Variants in ADAM20 observed in about 807,000 individuals in gnomAD.
The protein encoded by ADAM20 is disintegrin and metalloproteinase domain-containing protein 20.
For missense variants in ADAM20, 871 were observed against 883.2 expected (o/e 0.99, Z 0.18); for synonymous variants, 305 against 310.2 (o/e 0.98, Z 0.18).
At chr14:70,570,958 C>A in the ADAM20 span, among the ~76,000 whole-genome samples, 4 of 152,082 alleles carry the variant, frequency 2.6e-5, no homozygotes, top group Admixed American at 2.0e-4. Flanking sequence ...ATTCAATATA[C>A]ACAAATCAAT....
At position 70,523,911 on chromosome 14, in the gene ADAM20, T is replaced by A; in HGVS notation, c.847A>T (p.Lys283Ter). The part of the protein sequence containing the change: ...DNVLEDFSIW[K>*]NYNLNNRLQH... Reference sequence around the variant, plus strand: ...AGTCGATTATTAAGGTTATAATTCTTCCAAATAGAAAAGTCCTCTAAAACA... The same window carrying A: ...AGTCGATTATTAAGGTTATAATTCTACCAAATAGAAAAGTCCTCTAAAACA... The change falls in exon 2 of 2, where the codon AAG becomes TAG. Residue 283 changes from lysine (K) to a stop codon, truncating the protein, a stop_gained. Transcript: ENST00000256389. LOFTEE classifies it low-confidence loss of function (END_TRUNC). 1 of 1,614,002 alleles carries A rather than the reference T, an allele frequency of 6.2e-7. No homozygotes were observed. Among genetic ancestry groups the A allele is most frequent in the Non-Finnish European group, 8.5e-7 (1 of 1,179,950 alleles).
At chr14:70,544,920 T>C in the ADAM20 span, among the ~76,000 whole-genome samples, 1 of 152,150 alleles carries the variant, frequency 6.6e-6, no homozygotes. Flanking sequence ...AAAGTAATAA[T>C]AAAATTTATG....
chr14:70,542,962 T>G, the ADAM20 span, among the ~76,000 whole-genome samples: 1 of 151,246 alleles, frequency 6.6e-6, no homozygotes, highest in Non-Finnish European at 1.5e-5. Flanking sequence ...GAGGCCTATG[T>G]AACAAATAAT....
At chr14:70,537,654 C>A (rs1359427614), upstream of ADAM20, among the ~76,000 whole-genome samples, 2 of 152,172 alleles carry the variant, frequency 1.3e-5, no homozygotes, top group South Asian at 2.1e-4. Context: ...AAAACAGACA[C>A]CCTCGGCTTC....
chr14:70,533,446 T>G (rs1021221473), intron 1 of ADAM20, among the ~76,000 whole-genome samples: 32 of 152,314 alleles, frequency 2.1e-4, no homozygotes, highest in African/African-American at 7.2e-4. Flanking sequence ...TTATGTGCTT[T>G]GCAGGGACAT....
the ADAM20 span, among the ~76,000 whole-genome samples, chr14:70,557,822 T>C: frequency 1.3e-5 from 2 of 152,116 alleles, no homozygotes; most frequent in Non-Finnish European, 2.9e-5. Context: ...CCCAAGATAA[T>C]TTTTCTTCTA....
the ADAM20 span, among the ~76,000 whole-genome samples, chr14:70,578,124 AAACT>A: frequency 2.0e-5 from 3 of 152,296 alleles, no homozygotes; most frequent in South Asian, 6.2e-4. Flanking sequence ...GTGAATCATA[AAACT>A]AATACTGAAT....
chr14:70,569,017 G>A, the ADAM20 span, among the ~76,000 whole-genome samples: 1 of 151,970 alleles, frequency 6.6e-6, no homozygotes, highest in African/African-American at 2.4e-5. Flanking sequence ...AACCTTAAAG[G>A]TAGCTAGAGA....
At chr14:70,573,050 A>G in the ADAM20 span, among the ~76,000 whole-genome samples, 1 of 152,222 alleles carries the variant, frequency 6.6e-6, no homozygotes, top group South Asian at 2.1e-4. Context: ...ACTAAAATAG[A>G]ACTACCATTT....
At chr14:70,573,604 A>G in the ADAM20 span, among the ~76,000 whole-genome samples, 1 of 152,196 alleles carries the variant, frequency 6.6e-6, no homozygotes, top group Non-Finnish European at 1.5e-5. Context: ...CTGAGTGACT[A>G]CAAAAACAAG....
the ADAM20 span, among the ~76,000 whole-genome samples, chr14:70,545,906 A>AAT: frequency 1.3e-5 from 2 of 152,250 alleles, no homozygotes; most frequent in African/African-American, 4.8e-5. Flanking sequence ...ATGGCTACAG[A>AAT]ATATACCTTC....
At chr14:70,539,398 G>C (rs112671456), upstream of ADAM20, among the ~76,000 whole-genome samples, 5,214 of 152,306 alleles carry the variant, frequency 0.034, 296 homozygotes, top group African/African-American at 0.12. Flanking sequence ...CATAGCTCTG[G>C]GAATGGAATG....
chr14:70,561,832 G>A, the ADAM20 span, among the ~76,000 whole-genome samples: 1 of 152,266 alleles, frequency 6.6e-6, no homozygotes, highest in Non-Finnish European at 1.5e-5. Flanking sequence ...GAAAACCTCT[G>A]CCTAGGTATC....
the ADAM20 span, among the ~76,000 whole-genome samples, chr14:70,561,626 A>G: frequency 6.6e-6 from 1 of 152,262 alleles, no homozygotes; most frequent in Non-Finnish European, 1.5e-5. Context: ...TTTTCTGGGC[A>G]AGGCCCAGGG....
chr14:70,544,530 C>A, the ADAM20 span, among the ~76,000 whole-genome samples: 8 of 151,622 alleles, frequency 5.3e-5, no homozygotes, highest in African/African-American at 1.2e-4. Flanking sequence ...AGGAGAAAGA[C>A]CGAAAATATT....
the ADAM20 span, among the ~76,000 whole-genome samples, chr14:70,569,899 A>G: frequency 7.2e-6 from 1 of 138,264 alleles, no homozygotes; most frequent in African/African-American, 3.1e-5. Flanking sequence ...AAAAAAAAAA[A>G]AAAAAAAAAA....
chr14:70,575,006 A>T, the ADAM20 span, among the ~76,000 whole-genome samples: 1 of 152,130 alleles, frequency 6.6e-6, no homozygotes, highest in Non-Finnish European at 1.5e-5. Context: ...TCACAGAAGC[A>T]GAGAGTAGAA....
At chr14:70,564,452 A>G in the ADAM20 span, among the ~76,000 whole-genome samples, 1 of 146,726 alleles carries the variant, frequency 6.8e-6, no homozygotes, top group Non-Finnish European at 1.5e-5. Context: ...ACACAGGGAA[A>G]AAGTGTTGTT....
Position 70,524,129 on chromosome 14 carries a change from T to G in ADAM20, c.629A>C (p.Glu210Ala). Residue 210 changes from glutamate to alanine, a missense_variant, in exon 2 of 2, where the codon GAG becomes GCG. Coordinates refer to ENST00000256389, the MANE Select transcript of ADAM20 (RefSeq NM_003814.5). ...VGWWTHQRFV[E>A]LVVVVDNIRY... ...AATATTATCCACGACCACTACCAGC[T>G]CAACAAACCGCTGATGGGTCCACCA... is the stretch of plus-strand genomic sequence containing the variant. 4.3e-6 allele frequency: 7 copies of G among 1,613,872 alleles called. No individual in the cohort carries two copies. The highest frequency in any genetic ancestry group is 5.9e-6 in the Non-Finnish European group (7 of 1,179,920).
Sources: allele counts gnomAD v4.1 joint callset (sites outside exome capture counted in the v4.1 genomes callset), GRCh38; gene constraint gnomAD v4.1.1; transcripts MANE v1.5; gene names NCBI Gene and HGNC (gene_info 2026-07-23, HGNC 2026-07-21).